The following FGF1 variants were observed in gnomAD, a reference collection of about 807,000 sequenced individuals.
The protein encoded by FGF1 is beta-endothelial cell growth factor.
Under a neutral mutation model 13.4 loss-of-function variants are expected in FGF1, and 9 were observed. The ratio of observed to expected loss-of-function variants is 0.67; its 90% CI spans 0.40 to 1.17. The LOEUF (loss-of-function observed/expected upper bound fraction) is 1.17, where lower values mean the gene tolerates loss of function less well. Ranked by LOEUF, FGF1 falls within the 50% of genes most tolerant of loss-of-function variation. FGF1 has a pLI of 0.01. For missense variants in FGF1, 156 were observed against 192.7 expected, an observed-to-expected ratio of 0.81 and a Z score of 1.13; for synonymous variants, 93 against 79.0, an observed-to-expected ratio of 1.18 and a Z score of -0.94.
At chr5:142,613,870 A>G in intron 2 of FGF1, 89 bp downstream of exon 2, 1 of 1,351,828 alleles carries the variant, frequency 7.4e-7, no homozygotes, top group South Asian at 1.4e-5. Flanking sequence ...TGGAGAAGCA[A>G]GTACCTGTAC....
chr5:142,656,445 A>C (rs1257212801), intron 1 of FGF1, among the ~76,000 whole-genome samples: 1 of 152,170 alleles, frequency 6.6e-6, no homozygotes, highest in Non-Finnish European at 1.5e-5. Flanking sequence ...TTTCATTCCC[A>C]GTCCATAAGG....
At chr5:142,667,097 T>A (rs1365523924) in intron 1 of FGF1, among the ~76,000 whole-genome samples, 4 of 149,246 alleles carry the variant, frequency 2.7e-5, no homozygotes, top group Non-Finnish European at 5.9e-5. Flanking sequence ...CTGGCCAATA[T>A]GGTAAAACCC....
At chr5:142,691,073 A>G (rs577276678), upstream of FGF1, among the ~76,000 whole-genome samples, 106 of 152,042 alleles carry the variant, frequency 7.0e-4, no homozygotes, top group African/African-American at 2.4e-3. Context: ...TACATCTCCC[A>G]CTTTCTTTTT....
intron 2 of FGF1, chr5:142,601,266 T>C (rs982441028): frequency 2.1e-5 from 8 of 372,984 alleles, no homozygotes; most frequent in African/African-American, 1.7e-4. Context: ...TGCCTTTTAA[T>C]TGTCTGGGCC....
At chr5:142,689,979 G>A (rs186646831), upstream of FGF1, among the ~76,000 whole-genome samples, 146 of 148,916 alleles carry the variant, frequency 9.8e-4, 1 homozygote, top group South Asian at 1.7e-3. Context: ...GGGATTACAG[G>A]CGTGAGCCAC....
chr5:142,627,380 C>T (rs1445751871), intron 1 of FGF1, among the ~76,000 whole-genome samples: 2 of 152,142 alleles, frequency 1.3e-5, no homozygotes, highest in Non-Finnish European at 2.9e-5. Flanking sequence ...CCCGAAATAC[C>T]AGTTTATAAT....
chr5:142,602,703 C>G (rs1249423622), intron 2 of FGF1, among the ~76,000 whole-genome samples: 4 of 151,866 alleles, frequency 2.6e-5, no homozygotes, highest in African/African-American at 9.7e-5. Flanking sequence ...ACTGAGCACA[C>G]AGTTCTGCAC....
chr5:142,635,031 C>A (rs1464846314), intron 1 of FGF1, among the ~76,000 whole-genome samples: 1 of 152,068 alleles, frequency 6.6e-6, no homozygotes, highest in Non-Finnish European at 1.5e-5. Context: ...TTTTCTTGTA[C>A]CTTTTCCACT....
At chr5:142,684,159 A>G (rs770997390) in intron 1 of FGF1, among the ~76,000 whole-genome samples, 44 of 152,308 alleles carry the variant, frequency 2.9e-4, no homozygotes, top group Non-Finnish European at 6.2e-4. Context: ...CTAATAGTTT[A>G]TGTGTAGTTC....
chr5:142,602,826 A>G (rs1428627989), intron 2 of FGF1, among the ~76,000 whole-genome samples: 1 of 152,118 alleles, frequency 6.6e-6, no homozygotes, highest in South Asian at 2.1e-4. Flanking sequence ...TAGCTATACC[A>G]TAATTGTTTA....
At chr5:142,625,313 G>GACACACACACACAC (rs59813387) in intron 1 of FGF1, among the ~76,000 whole-genome samples, 1 of 148,294 alleles carries the variant, frequency 6.7e-6, no homozygotes, top group African/African-American at 2.5e-5. Context: ...ACTACAAGCG[G>GACACACACACACAC]ACACACACAC....
rs554784892 is a variant in FGF1, at chr5:142,642,454, C to T, written c.-34-28293G>A. Among the ~76,000 whole-genome samples, 11 of 152,276 alleles carry T rather than the reference C, an allele frequency of 7.2e-5. No individual in the cohort carries two copies. The South Asian group carries it at 2.3e-3, about 32-fold the overall frequency. ...AGCAACTTTGTTTGCATCAGCAAACCCACCTGCATCATGCAAGCACTTGAC... is the reference window on the plus strand; with the variant it reads ...AGCAACTTTGTTTGCATCAGCAAACTCACCTGCATCATGCAAGCACTTGAC... On this transcript the variant is annotated intron_variant, in intron 1 of 3. Coordinates refer to ENST00000337706, the MANE Select transcript of FGF1 (RefSeq NM_000800.5).
At chr5:142,673,450 A>C (rs936319662) in intron 1 of FGF1, among the ~76,000 whole-genome samples, 1 of 152,224 alleles carries the variant, frequency 6.6e-6, no homozygotes, top group Non-Finnish European at 1.5e-5. Context: ...TTGTGTTTGG[A>C]AACGTAATAA....
At position 142,673,124 on chromosome 5, in the gene FGF1, C is replaced by A. The variant is rs1362806855; in HGVS notation, c.-35+12833G>T. The stretch of plus-strand genomic sequence containing the variant: ...TCTCCTTTCTTCTGAAGAGCAGTAA[C>A]ACAATAGTGTTTTTCTTGGAGAGCA... On this transcript the variant is annotated intron_variant, in intron 1 of 3. Transcript: ENST00000337706. 2.6e-5 allele frequency among the ~76,000 whole-genome samples: 4 copies of A among 152,194 alleles called. No individual in the cohort carries two copies. The South Asian group carries it at 6.2e-4, about 24-fold the overall frequency.
upstream of FGF1, among the ~76,000 whole-genome samples, chr5:142,686,681 G>A (rs989683974): frequency 3.3e-5 from 5 of 152,152 alleles, no homozygotes; most frequent in African/African-American, 7.2e-5. Flanking sequence ...GTATGTGTGC[G>A]TGTGTGTGTC....
At chr5:142,677,986 G>A (rs1056419443) in intron 1 of FGF1, among the ~76,000 whole-genome samples, 10 of 152,184 alleles carry the variant, frequency 6.6e-5, no homozygotes, top group African/African-American at 2.4e-4. Context: ...CTGAAGGATG[G>A]AAAGAGGCCT....
At chr5:142,628,692 C>T (rs1182707928) in intron 1 of FGF1, among the ~76,000 whole-genome samples, 14 of 152,178 alleles carry the variant, frequency 9.2e-5, no homozygotes, top group Admixed American at 9.2e-4. Flanking sequence ...CTTTCAAAGC[C>T]ATTTATATCC....
chr5:142,627,745 T>C (rs1253058482), intron 1 of FGF1, among the ~76,000 whole-genome samples: 7 of 152,216 alleles, frequency 4.6e-5, no homozygotes, highest in African/African-American at 1.7e-4. Context: ...CTTGCCCCAG[T>C]GCTAGCCTTC....
intron 1 of FGF1, among the ~76,000 whole-genome samples, chr5:142,676,060 G>A (rs566279159): frequency 2.3e-4 from 35 of 152,130 alleles, no homozygotes; most frequent in African/African-American, 7.7e-4. Flanking sequence ...TTTCTTTCTC[G>A]GCTAGTTCTA....
Sources: gnomAD v4.1 joint callset for allele counts (sites outside exome capture counted in the v4.1 genomes callset) on GRCh38, gnomAD v4.1.1 for gene constraint, MANE v1.5 for transcripts, NCBI Gene and HGNC (gene_info 2026-07-23, HGNC 2026-07-21) for gene names.